E2F6: variants seen among roughly 807,000 people sequenced by gnomAD.
E2F6 encodes transcription factor E2F6.
In E2F6, 19 loss-of-function variants were observed where a neutral mutation model predicts 31.5. That is an observed-to-expected ratio of 0.60 (90% CI 0.42 to 0.89). The LOEUF (loss-of-function observed/expected upper bound fraction) is 0.89, where lower values mean the gene tolerates loss of function less well. E2F6 is among the 40% of genes least tolerant of loss of function. The pLI is 0.00. For missense variants in E2F6, 269 were observed against 341.6 expected (o/e 0.79, Z 1.67); for synonymous variants, 121 against 127.7 (o/e 0.95, Z 0.36).
chr2:11,455,999 T>C (rs766159005), intron 2 of E2F6, among the ~76,000 whole-genome samples: 51 of 152,082 alleles, frequency 3.4e-4, no homozygotes, highest in Non-Finnish European at 6.6e-4. Flanking sequence ...CAAAGCAGAC[T>C]TAGAGAACCT....
intron 6 of E2F6, among the ~76,000 whole-genome samples, chr2:11,447,020 G>A (rs746469229): frequency 9.2e-5 from 14 of 152,090 alleles, no homozygotes; most frequent in Non-Finnish European, 1.9e-4. Context: ...GGAGCTGTTG[G>A]CTGGGTACTG....
At position 11,451,659 on chromosome 2, in the gene E2F6, T is replaced by C; in HGVS notation, c.528A>G (p.Glu176=). ...QQLFELTDDK[E]NERLAYVTYQ... ...ATAGACTTAAAGGATATCTTTCATT[T>C]TCTTTGTCATCTGTTAACTCAAACA... The change falls in exon 4 of 7, where the codon GAA becomes GAG. Residue 176 remains glutamate (E), a synonymous_variant. Coordinates refer to ENST00000381525, the MANE Select transcript of E2F6 (RefSeq NM_198256.4). 6.2e-7 allele frequency: 1 copy of C among 1,610,004 alleles called. No homozygotes were observed. Among genetic ancestry groups the C allele is most frequent in the Non-Finnish European group, 8.5e-7 (1 of 1,178,128 alleles).
chr2:11,463,041 T>G (rs1266217530), intron 1 of E2F6, among the ~76,000 whole-genome samples: 1 of 152,198 alleles, frequency 6.6e-6, no homozygotes, highest in Non-Finnish European at 1.5e-5. Context: ...ATGTCTAAGA[T>G]TTCAAGGGAT....
chr2:11,448,313 C>T lies in E2F6; in HGVS notation c.652-539G>A, dbSNP rs183541478. Among the ~76,000 whole-genome samples the T allele has an allele frequency of 4.1e-3, 622 of 152,074 alleles. 4 individuals carry two copies. Among genetic ancestry groups the T allele is most frequent in the African/African-American group, 0.014 (582 of 41,504 alleles). On this transcript the variant is annotated intron_variant, in intron 5 of 6. Coordinates refer to ENST00000381525, the MANE Select transcript of E2F6 (RefSeq NM_198256.4). The stretch of plus-strand genomic sequence containing the variant: ...AGGATTAATCAAAATACTTTTTTTC[C>T]GTAAGGTATCAGGCAACTTCAGTGC...
In E2F6 at chr2:11,446,380, C is replaced by A. The variant is rs1219842494; in HGVS notation, c.*97G>T. 3.3e-6 allele frequency: 3 copies of A among 922,430 alleles called. No homozygotes were observed. Among genetic ancestry groups the A allele is most frequent in the Non-Finnish European group, 5.2e-6 (3 of 573,420 alleles). 57.1% of individuals were successfully genotyped at this position (922,430 alleles called of 1,614,324 possible). A position where few individuals can be genotyped will look rare whatever the true frequency, so the allele number is the denominator to read the frequency against. On this transcript the variant is annotated 3_prime_UTR_variant, in exon 7 of 7. Transcript: ENST00000381525. ...GCCGCTACTGAGAACGAGAGCACTT[C>A]ATGGATAATTTATTGCTCTGAGAAT...
intron 6 of E2F6, among the ~76,000 whole-genome samples, chr2:11,447,048 G>A (rs1670760831): frequency 6.6e-6 from 1 of 152,194 alleles, no homozygotes; most frequent in South Asian, 2.1e-4. Context: ...TTCTGCCCAG[G>A]CCGGTCACAG....
intron 1 of E2F6, among the ~76,000 whole-genome samples, chr2:11,464,941 C>A (rs986189317): frequency 1.3e-5 from 2 of 151,746 alleles, no homozygotes; most frequent in Admixed American, 6.6e-5. Flanking sequence ...GGGGAGAGGT[C>A]GGGCTCGGTG....
At chr2:11,461,628 C>A (rs1285390749) in intron 1 of E2F6, among the ~76,000 whole-genome samples, 1 of 152,246 alleles carries the variant, frequency 6.6e-6, no homozygotes, top group Non-Finnish European at 1.5e-5. Context: ...GCTGGGATTA[C>A]AGGCATGAGC....
chr2:11,462,142 T>C (rs1671820909), intron 1 of E2F6, among the ~76,000 whole-genome samples: 2 of 152,054 alleles, frequency 1.3e-5, no homozygotes, highest in Non-Finnish European at 1.5e-5. Context: ...CCCAGAACCA[T>C]TCCTGGTACC....
intron 3 of E2F6, among the ~76,000 whole-genome samples, chr2:11,452,155 A>G (rs530178972): frequency 3.3e-5 from 5 of 152,318 alleles, no homozygotes; most frequent in Admixed American, 6.5e-5. Context: ...GCAGCTTCTG[A>G]TAAGTTATAA....
intron 6 of E2F6, 99 bp downstream of exon 6, chr2:11,447,528 T>C: frequency 7.7e-7 from 1 of 1,293,778 alleles, no homozygotes; most frequent in Non-Finnish European, 1.1e-6. Flanking sequence ...CTCATGTTTT[T>C]GTGGCTAGGA....
At chr2:11,465,190 AAAAAAAG>A (rs1169168723) in intron 1 of E2F6, among the ~76,000 whole-genome samples, 28 of 147,972 alleles carry the variant, frequency 1.9e-4, no homozygotes, top group Admixed American at 1.1e-3. Context: ...AAAAAAAAAA[AAAAAAAG>A]AAAAAAAAGA....
rs926838537 is a variant in E2F6 at position 11,463,949 on chromosome 2, G to GGGGT, written c.108+1822_108+1823insACCC. Among the ~76,000 whole-genome samples the GGGGT allele has an allele frequency of 4.6e-4, 18 of 39,084 alleles. 3 individuals carry two copies. Among genetic ancestry groups the GGGGT allele is most frequent in the Non-Finnish European group, 1.2e-3 (15 of 12,036 alleles). 25.6% of individuals were successfully genotyped at this position (39,084 alleles called of 152,430 possible). On this transcript the variant is annotated intron_variant, in intron 1 of 6. Coordinates refer to ENST00000381525, the MANE Select transcript of E2F6 (RefSeq NM_198256.4). ...GGGTGACAGAGTGAGATCCTGCACC[G>GGGGT]GGGGGGGGGACAAAAACAAAAACAG...
chr2:11,462,847 T>C (rs1363138264), intron 1 of E2F6, among the ~76,000 whole-genome samples: 1 of 152,188 alleles, frequency 6.6e-6, no homozygotes, highest in Non-Finnish European at 1.5e-5. Flanking sequence ...TTTCTGGAAT[T>C]TTCATTTTAA....
Position 11,454,838 on chromosome 2 carries a change from A to G in E2F6, c.164-1040T>C, listed in dbSNP as rs138242907. Among the ~76,000 whole-genome samples the G allele has an allele frequency of 7.9e-5, 12 of 152,218 alleles. No homozygotes were observed. In the South Asian group the frequency reaches 2.3e-3, roughly 29 times the overall value. On this transcript the variant is annotated intron_variant, in intron 2 of 6. Transcript: ENST00000381525. ...AGTTTTTAAAAACAAAAATAGGACC[A>G]TGCAATTTTGCAACACGTTCTTTTA...
chr2:11,457,794 C>A (rs1241994670), intron 1 of E2F6, among the ~76,000 whole-genome samples: 4 of 152,282 alleles, frequency 2.6e-5, no homozygotes, highest in East Asian at 1.9e-4. Flanking sequence ...CGTGGTTCCC[C>A]AAAATTTGCT....
chr2:11,456,512 T>C (rs557406907), intron 2 of E2F6, among the ~76,000 whole-genome samples: 1 of 152,354 alleles, frequency 6.6e-6, no homozygotes, highest in East Asian at 1.9e-4. Context: ...TCTGGGCCTT[T>C]ATAAAGTAAG....
Position 11,451,693 on chromosome 2 carries a change from G to A in E2F6, c.494C>T (p.Ala165Val), listed in dbSNP as rs1012702606. ...DALDELIKDCAQQLFELTDDK... is the reference protein window; with the variant it reads ...DALDELIKDCVQQLFELTDDK... ...ATCTGTTAACTCAAACAGCTGCTGA[G>A]CACAATCCTTAATTAACTCATCCAA... is the stretch of plus-strand genomic sequence containing the variant. Residue 165 changes from alanine (A) to valine (V), a missense_variant, in exon 4 of 7, where the codon GCT becomes GTT. Ala to Val is a moderately conservative substitution (Grantham distance 64). Coordinates refer to ENST00000381525, the MANE Select transcript of E2F6 (RefSeq NM_198256.4). The A allele has an allele frequency of 6.2e-7, 1 of 1,611,772 alleles. No individual in the cohort carries two copies. The highest frequency in any genetic ancestry group is 8.5e-7 in the Non-Finnish European group (1 of 1,178,666).
intron 4 of E2F6, 172 bp downstream of exon 4, chr2:11,451,479 G>T: frequency 3.6e-6 from 2 of 549,458 alleles, no homozygotes; most frequent in Non-Finnish European, 5.9e-6. Flanking sequence ...GCCTCCCAAG[G>T]AGCTGGGATT....
Sources: gnomAD v4.1 joint callset for allele counts (sites outside exome capture counted in the v4.1 genomes callset) on GRCh38, gnomAD v4.1.1 for gene constraint, MANE v1.5 for transcripts, NCBI Gene and HGNC (gene_info 2026-07-23, HGNC 2026-07-21) for gene names.